Variants in GADD45A observed in about 807,000 individuals in gnomAD.
GADD45A encodes growth arrest and DNA damage-inducible protein GADD45 alpha.
A neutral mutation model predicts 17.7 loss-of-function variants in GADD45A; 9 were observed. The observed-to-expected ratio is 0.51, with a 90% CI of 0.31 to 0.89. The LOEUF (loss-of-function observed/expected upper bound fraction) is 0.89. Among genes scored for constraint, GADD45A ranks in the 40% least tolerant of loss-of-function variants. GADD45A has a pLI of 0.05. For synonymous variants in GADD45A, 95 were observed against 92.2 expected (o/e 1.03, Z -0.17); for missense variants, 149 against 220.6 (o/e 0.68, Z 2.06).
chr1:67,686,252 G>A, intron 2 of GADD45A, 98 bp from the exon 3 acceptor site: 9 of 1,379,230 alleles, frequency 6.5e-6, no homozygotes, highest in Admixed American at 4.6e-5. Flanking sequence ...TCTCGGAAGG[G>A]AGGGGGCGAG....
chr1:67,685,253 C>T lies in GADD45A; in HGVS notation c.-242C>T. On this transcript the variant is annotated 5_prime_UTR_variant, in exon 1 of 4. Coordinates refer to ENST00000370986, the MANE Select transcript of GADD45A (RefSeq NM_001924.4). Reference sequence around the variant, plus strand: ...CAGCGGCCCAATTAGTGTCGTGCGGCCCGTGGCGAGGCGAGGTCCGGGGAG... The same window carrying T: ...CAGCGGCCCAATTAGTGTCGTGCGGTCCGTGGCGAGGCGAGGTCCGGGGAG... 2.0e-6 allele frequency: 1 copy of T among 505,818 alleles called. No homozygotes were observed. Among genetic ancestry groups the T allele is most frequent in the Non-Finnish European group, 3.5e-6 (1 of 289,056 alleles). 31.3% of individuals were successfully genotyped at this position (505,818 alleles called of 1,614,324 possible).
rs573172498 is a variant in GADD45A at position 67,685,963 on chromosome 1, G to A, written c.45-62G>A. On this transcript the variant is annotated intron_variant, in intron 1 of 3. Transcript: ENST00000370986. ...GGAGGGGCGTGGTACCGGACGAGGG[G>A]GGCGGCGATGGCCCCGAGGGCACCG... 1.5e-4 allele frequency: 156 copies of A among 1,074,464 alleles called. 1 individual carries two copies. The African/African-American group carries it at 1.5e-3, about 10-fold the overall frequency. The allele number at this position is 1,074,464 out of a possible 1,614,324, so 66.6% of individuals were successfully genotyped here.
intron 3 of GADD45A, 33 bp downstream of exon 3, chr1:67,686,620 A>G (rs1203783272): frequency 5.1e-6 from 8 of 1,570,916 alleles, no homozygotes; most frequent in African/African-American, 1.4e-5. Context: ...CCTGCAGGGT[A>G]GAGCCCCGGA....
rs895002145 is a variant in GADD45A, at chr1:67,687,894, G to A, written c.*120G>A. 4.1e-5 allele frequency: 27 copies of A among 657,096 alleles called. No individual in the cohort carries two copies. The highest frequency in any genetic ancestry group is 3.6e-4 in the African/African-American group (20 of 55,958). 40.7% of individuals were successfully genotyped at this position (657,096 alleles called of 1,614,324 possible). On this transcript the variant is annotated 3_prime_UTR_variant, in exon 4 of 4. Coordinates refer to ENST00000370986, the MANE Select transcript of GADD45A (RefSeq NM_001924.4). ...GGATTACAGAAACTGATGCCAAGGGGCTGAGTGAGTTCAACTACATGTTCT... is the reference window on the plus strand; with the variant it reads ...GGATTACAGAAACTGATGCCAAGGGACTGAGTGAGTTCAACTACATGTTCT...
chr1:67,686,092 G>C lies in GADD45A; in HGVS notation c.112G>C (p.Val38Leu), dbSNP rs146431497. The change falls in exon 2 of 4, where the codon GTC (valine) becomes CTC (leucine). Residue 38 changes from valine (V) to leucine (L), a missense_variant. By Grantham distance (32) the Val-to-Leu change is conservative. Coordinates refer to ENST00000370986, the MANE Select transcript of GADD45A (RefSeq NM_001924.4). ...AGCCCTGAGTCAGCGCACGATCACT[G>C]TCGGGGTGTACGAAGCGGCCAAGCT... Reference protein sequence around the residue: ...SKALSQRTITVGVYEAAKLLN... With the variant: ...SKALSQRTITLGVYEAAKLLN... 9.3e-6 allele frequency: 15 copies of C among 1,610,976 alleles called. 1 individual carries two copies. The highest frequency in any genetic ancestry group is 1.3e-5 in the Non-Finnish European group (15 of 1,178,780).
chr1:67,686,667 T>A, intron 3 of GADD45A, 80 bp downstream of exon 3: 2 of 1,301,584 alleles, frequency 1.5e-6, no homozygotes, highest in Non-Finnish European at 2.1e-6. Context: ...TGATTGTGGA[T>A]CTGTGGTAGG....
At chr1:67,686,327 C>G (rs754557639) in intron 2 of GADD45A, 23 bp from the exon 3 acceptor site, 1 of 1,603,488 alleles carries the variant, frequency 6.2e-7, no homozygotes, top group South Asian at 1.1e-5. Flanking sequence ...TCTGCGCTCA[C>G]TGGCCCCGCC....
intron 3 of GADD45A, among the ~76,000 whole-genome samples, chr1:67,687,419 G>A (rs1646143473): frequency 6.6e-6 from 1 of 152,190 alleles, no homozygotes. Flanking sequence ...ACATATGTAT[G>A]TGGTTCAGCT....
At chr1:67,687,215 A>G (rs1646140873) in intron 3 of GADD45A, among the ~76,000 whole-genome samples, 2 of 151,820 alleles carry the variant, frequency 1.3e-5, no homozygotes. Flanking sequence ...TTATTTTGCT[A>G]CTCCTTAAAA....
intron 3 of GADD45A, among the ~76,000 whole-genome samples, chr1:67,686,978 A>G (rs1043669538): frequency 2.0e-5 from 3 of 152,224 alleles, no homozygotes; most frequent in African/African-American, 7.2e-5. Context: ...AGAGCTAAAA[A>G]TAGAAATTGT....
rs3783474 is a variant in GADD45A, at chr1:67,687,455, A to G, written c.385-206A>G. On this transcript the variant is annotated intron_variant, in intron 3 of 3. Coordinates refer to ENST00000370986, the MANE Select transcript of GADD45A (RefSeq NM_001924.4). Reference sequence around the variant, plus strand: ...TGGGTTGCATGGGTTCAGACTTTGCAATGTGTAGTTTAATAGGTAATTACC... The same window carrying G: ...TGGGTTGCATGGGTTCAGACTTTGCGATGTGTAGTTTAATAGGTAATTACC... Among the ~76,000 whole-genome samples, 1,330 of 152,308 alleles carry G rather than the reference A, an allele frequency of 8.7e-3. 17 individuals are homozygous for G. The highest frequency in any genetic ancestry group is 0.031 in the African/African-American group (1,270 of 41,568).
Position 67,685,715 on chromosome 1 carries a change from C to A in GADD45A, c.44+177C>A, listed in dbSNP as rs1015478772. Reference sequence around the variant, plus strand: ...AGCTCCCACGGACTGAAAGAGCGTGCCCCCCAACCCGAACGAGCCCCGCCG... The same window carrying A: ...AGCTCCCACGGACTGAAAGAGCGTGACCCCCAACCCGAACGAGCCCCGCCG... On this transcript the variant is annotated intron_variant, in intron 1 of 3. Coordinates refer to ENST00000370986, the MANE Select transcript of GADD45A (RefSeq NM_001924.4). 3.0e-6 allele frequency: 2 copies of A among 666,782 alleles called. 1 individual carries two copies. The highest frequency in any genetic ancestry group is 5.7e-5 in the East Asian group (2 of 35,030). The allele number at this position is 666,782 out of a possible 1,614,324, so 41.3% of individuals were successfully genotyped here.
In GADD45A at chr1:67,685,387, C is replaced by T. The variant is rs1646125443; in HGVS notation, c.-108C>T. Reference sequence around the variant, plus strand: ...CGGAGAGCGCCAGGGCCTGAGCTGCCGGAGCGGCGCCTGTGAGTGAGTGCA... The same window carrying T: ...CGGAGAGCGCCAGGGCCTGAGCTGCTGGAGCGGCGCCTGTGAGTGAGTGCA... On this transcript the variant is annotated 5_prime_UTR_variant, in exon 1 of 4. Coordinates refer to ENST00000370986, the MANE Select transcript of GADD45A (RefSeq NM_001924.4). The T allele has an allele frequency of 7.5e-6, 8 of 1,062,076 alleles. No homozygotes were observed. The highest frequency in any genetic ancestry group is 6.5e-5 in the African/African-American group (4 of 61,104). The allele number at this position is 1,062,076 out of a possible 1,614,324, so 65.8% of individuals were successfully genotyped here. A position where few individuals can be genotyped will look rare whatever the true frequency, so the allele number is the denominator to read the frequency against.
At chr1:67,686,280 C>G in intron 2 of GADD45A, 70 bp from the exon 3 acceptor site, 1 of 1,467,938 alleles carries the variant, frequency 6.8e-7, no homozygotes, top group Non-Finnish European at 9.3e-7. Context: ...GGCGGCGACC[C>G]CCAGGGACCC....
chr1:67,685,636 TA>T lies in GADD45A; in HGVS notation c.44+103del. ...GTGGAAGGCTTGCAGGGGAGGAAGCTAAAAAGTTTGCACAGGGCAACTCCCG... is the reference window on the plus strand; with the variant it reads ...GTGGAAGGCTTGCAGGGGAGGAAGCTAAAAGTTTGCACAGGGCAACTCCCG... On this transcript the variant is annotated intron_variant, in intron 1 of 3. Coordinates refer to ENST00000370986, the MANE Select transcript of GADD45A (RefSeq NM_001924.4). 2.3e-6 allele frequency: 3 copies of T among 1,295,776 alleles called. No homozygotes were observed. The South Asian group carries it at 3.8e-5, about 16-fold the overall frequency. 80.3% of individuals were successfully genotyped at this position (1,295,776 alleles called of 1,614,324 possible). A position where few individuals can be genotyped will look rare whatever the true frequency, so the allele number is the denominator to read the frequency against.
rs3783478 is a variant in GADD45A at position 67,687,768 on chromosome 1, A to G, written c.492A>G (p.Glu164=). The G allele has an allele frequency of 1.6e-3, 2,494 of 1,596,402 alleles. 36 individuals carry two copies. In the African/African-American group the frequency reaches 0.03, roughly 19 times the overall value. Residue 164 remains glutamate, a synonymous_variant, in exon 4 of 4, where the codon GAA becomes GAG. Coordinates refer to ENST00000370986, the MANE Select transcript of GADD45A (RefSeq NM_001924.4). ...DQWVPVINLP[E]R ...GGGTTCCAGTGATTAATCTCCCTGA[A>G]CGGTGATGGCATCTGAATGAAAATA... is the stretch of plus-strand genomic sequence containing the variant.
rs191329339 is a variant in GADD45A, at chr1:67,687,486, C to T, written c.385-175C>T. Among the ~76,000 whole-genome samples the T allele has an allele frequency of 5.1e-3, 780 of 152,286 alleles. 6 individuals are homozygous for T. Among genetic ancestry groups the T allele is most frequent in the Non-Finnish European group, 5.7e-3 (387 of 68,020 alleles). ...TAGTTTAATAGGTAATTACCCTTAA[C>T]GCTTTTGCAGGGAACCCAACTACCT... On this transcript the variant is annotated intron_variant, in intron 3 of 3. Transcript: ENST00000370986.
rs1646145708 is a variant in GADD45A, at chr1:67,687,759, T to C, written c.483T>C (p.Asn161=). 8 of 1,607,388 alleles carry C rather than the reference T, an allele frequency of 5.0e-6. No homozygotes were observed. The highest frequency in any genetic ancestry group is 6.8e-6 in the Non-Finnish European group (8 of 1,175,028). The change falls in exon 4 of 4, where the codon AAT becomes AAC. Residue 161 remains asparagine, a synonymous_variant. Coordinates refer to ENST00000370986, the MANE Select transcript of GADD45A (RefSeq NM_001924.4). ...TGGATCAATGGGTTCCAGTGATTAATCTCCCTGAACGGTGATGGCATCTGA... is the reference window on the plus strand; with the variant it reads ...TGGATCAATGGGTTCCAGTGATTAACCTCCCTGAACGGTGATGGCATCTGA... ...RYMDQWVPVI[N]LPER is the part of the protein sequence containing the mutation.
Position 67,687,996 on chromosome 1 carries a change from T to A in GADD45A, c.*222T>A. ...AGGAAGCTGTGTTGAAACAGAAAAATAAGTCAAAAGGAACAAAAATTACAA... is the reference window on the plus strand; with the variant it reads ...AGGAAGCTGTGTTGAAACAGAAAAAAAAGTCAAAAGGAACAAAAATTACAA... On this transcript the variant is annotated 3_prime_UTR_variant, in exon 4 of 4. Transcript: ENST00000370986. 1 of 442,600 alleles carries A rather than the reference T, an allele frequency of 2.3e-6. No homozygotes were observed. Among genetic ancestry groups the A allele is most frequent in the Non-Finnish European group, 4.0e-6 (1 of 248,332 alleles). The allele number at this position is 442,600 out of a possible 1,614,324, so 27.4% of individuals were successfully genotyped here. A position where few individuals can be genotyped will look rare whatever the true frequency, so the allele number is the denominator to read the frequency against.
Sources: allele counts gnomAD v4.1 joint callset (sites outside exome capture counted in the v4.1 genomes callset), GRCh38; gene constraint gnomAD v4.1.1; transcripts MANE v1.5; gene names NCBI Gene and HGNC (gene_info 2026-07-23, HGNC 2026-07-21).